The following EXOC6B variants were observed in gnomAD, a reference collection of about 807,000 sequenced individuals.
The protein encoded by EXOC6B is exocyst complex component 6B, also known as SEC15 homolog B.
In EXOC6B, 54 loss-of-function variants were observed where a neutral mutation model predicts 113.5. The observed-to-expected ratio is 0.48, with a 90% CI of 0.38 to 0.60. The LOEUF (loss-of-function observed/expected upper bound fraction) is 0.60. EXOC6B is among the 20% of genes least tolerant of loss of function. The probability of loss-of-function intolerance (pLI) is 0.00; values close to 1 mark genes in which losing one functional copy is unlikely to be tolerated. For synonymous variants in EXOC6B, 357 were observed against 339.0 expected (o/e 1.05, Z -0.58); for missense variants, 797 against 977.5 (o/e 0.82, Z 2.46).
At chr2:72,404,946 G>A (rs1040939954) in intron 18 of EXOC6B, among the ~76,000 whole-genome samples, 4 of 151,992 alleles carry the variant, frequency 2.6e-5, no homozygotes, top group Non-Finnish European at 5.9e-5. Flanking sequence ...TGGCAAAGAA[G>A]TTAAAAACCT....
chr2:72,362,470 T>C (rs1287499046), intron 19 of EXOC6B, among the ~76,000 whole-genome samples: 8 of 152,080 alleles, frequency 5.3e-5, no homozygotes, highest in Admixed American at 5.2e-4. Flanking sequence ...TAATTATAAT[T>C]AATTATAATA....
intron 6 of EXOC6B, among the ~76,000 whole-genome samples, chr2:72,603,875 G>A (rs1390226235): frequency 6.6e-6 from 1 of 152,122 alleles, no homozygotes; most frequent in Admixed American, 6.5e-5. Context: ...AGACCACAGA[G>A]ATACTGGTAT....
At chr2:72,583,036 T>G (rs2103876382) in intron 6 of EXOC6B, among the ~76,000 whole-genome samples, 1 of 152,168 alleles carries the variant, frequency 6.6e-6, no homozygotes, top group Middle Eastern at 3.4e-3. Flanking sequence ...ATTGACAAAC[T>G]CACTTAGGGA....
At chr2:72,490,233 C>T (rs1271630392) in intron 16 of EXOC6B, among the ~76,000 whole-genome samples, 1 of 152,034 alleles carries the variant, frequency 6.6e-6, no homozygotes, top group African/African-American at 2.4e-5. Flanking sequence ...GGAAAAAAAC[C>T]TAGATTTATG....
intron 6 of EXOC6B, among the ~76,000 whole-genome samples, chr2:72,691,954 G>C (rs1278838544): frequency 6.6e-6 from 1 of 151,890 alleles, no homozygotes; most frequent in Non-Finnish European, 1.5e-5. Context: ...AAAGTGCTGG[G>C]ATTACAGGTG....
At chr2:72,346,403 T>C (rs1196768298) in intron 19 of EXOC6B, among the ~76,000 whole-genome samples, 1 of 152,104 alleles carries the variant, frequency 6.6e-6, no homozygotes, top group Non-Finnish European at 1.5e-5. Flanking sequence ...AATGACAACA[T>C]ACATTTACCT....
intron 6 of EXOC6B, among the ~76,000 whole-genome samples, chr2:72,696,693 G>A (rs1677908778): frequency 1.3e-5 from 2 of 152,280 alleles, no homozygotes; most frequent in Non-Finnish European, 1.5e-5. Flanking sequence ...ACCATGTGGA[G>A]AACTGAGATA....
At chr2:72,436,036 C>T (rs190671790) in intron 18 of EXOC6B, among the ~76,000 whole-genome samples, 197 of 152,202 alleles carry the variant, frequency 1.3e-3, no homozygotes, top group African/African-American at 4.3e-3. Context: ...TGGCTGATAC[C>T]GCTTTTTCCT....
chr2:72,186,143 C>T (rs1168043759), intron 20 of EXOC6B, among the ~76,000 whole-genome samples: 1 of 152,196 alleles, frequency 6.6e-6, no homozygotes, highest in Non-Finnish European at 1.5e-5. Context: ...TCCAGTCTAT[C>T]ACTGTTGGAC....
In EXOC6B at chr2:72,559,442, T is replaced by A. The variant is rs763946555; in HGVS notation, c.915+11A>T. The A allele has an allele frequency of 6.4e-7, 1 of 1,561,518 alleles. No individual in the cohort carries two copies. Among genetic ancestry groups the A allele is most frequent in the African/African-American group, 1.4e-5 (1 of 72,138 alleles). The stretch of plus-strand genomic sequence containing the variant: ...GACATCTTTATTAGGCAGAGCCAGA[T>A]AAAGACTCACCAGGACAGAATATAT... On this transcript the variant is annotated intron_variant, in intron 8 of 21. Coordinates refer to ENST00000272427, the MANE Select transcript of EXOC6B (RefSeq NM_015189.3).
chr2:72,435,727 T>C (rs1695817650), intron 18 of EXOC6B, among the ~76,000 whole-genome samples: 1 of 151,932 alleles, frequency 6.6e-6, no homozygotes, highest in Non-Finnish European at 1.5e-5. Flanking sequence ...TTTTTTTGTT[T>C]TTTTTTTGCT....
chr2:72,434,900 T>C (rs112989626), intron 18 of EXOC6B, among the ~76,000 whole-genome samples: 1,735 of 152,282 alleles, frequency 0.011, 53 homozygotes, highest in African/African-American at 0.04. Context: ...CATGTCTCTA[T>C]CTCCTTCAGT....
intron 6 of EXOC6B, among the ~76,000 whole-genome samples, chr2:72,603,221 T>C (rs1348245801): frequency 1.3e-5 from 2 of 151,758 alleles, no homozygotes; most frequent in Non-Finnish European, 2.9e-5. Context: ...ATGGAAATCA[T>C]TAAAACGAAA....
At chr2:72,481,526 A>C (rs1035990570) in intron 16 of EXOC6B, among the ~76,000 whole-genome samples, 1 of 152,252 alleles carries the variant, frequency 6.6e-6, no homozygotes, top group African/African-American at 2.4e-5. Context: ...TTTCAAAATT[A>C]GGCATGATGA....
intron 20 of EXOC6B, among the ~76,000 whole-genome samples, chr2:72,307,323 A>G (rs1311985253): frequency 6.6e-6 from 1 of 150,680 alleles, no homozygotes; most frequent in Admixed American, 6.6e-5. Context: ...TTTCTTTTGT[A>G]TTTTAATGGA....
chr2:72,420,050 T>A (rs1694778259), intron 18 of EXOC6B, among the ~76,000 whole-genome samples: 1 of 152,208 alleles, frequency 6.6e-6, no homozygotes, highest in African/African-American at 2.4e-5. Flanking sequence ...AGTGTGCTCA[T>A]TCTTTGGTCT....
chr2:72,406,193 A>G (rs1341928872), intron 18 of EXOC6B, among the ~76,000 whole-genome samples: 1 of 152,208 alleles, frequency 6.6e-6, no homozygotes. Context: ...GAGCACCCAG[A>G]TTCATAAAGC....
chr2:72,677,139 G>C (rs1254523554), intron 6 of EXOC6B, among the ~76,000 whole-genome samples: 1 of 152,070 alleles, frequency 6.6e-6, no homozygotes, highest in Non-Finnish European at 1.5e-5. Context: ...CAGCCATACA[G>C]CCCAAATCTC....
chr2:72,391,774 G>A (rs953090646), intron 18 of EXOC6B, among the ~76,000 whole-genome samples: 2 of 151,988 alleles, frequency 1.3e-5, no homozygotes. Flanking sequence ...GGACATGGTG[G>A]TGCACACCTG....
Sources: allele counts gnomAD v4.1 joint callset (sites outside exome capture counted in the v4.1 genomes callset), GRCh38; gene constraint gnomAD v4.1.1; transcripts MANE v1.5; gene names NCBI Gene and HGNC (gene_info 2026-07-23, HGNC 2026-07-21).